Variants in KCNMB2 observed in about 807,000 individuals in gnomAD.
The protein encoded by KCNMB2 is potassium calcium-activated channel subfamily M regulatory beta subunit 2, also known as calcium-activated potassium channel subunit beta-2.
Under a neutral mutation model 24.5 loss-of-function variants are expected in KCNMB2, and 9 were observed. That is an observed-to-expected ratio of 0.37 (90% confidence interval 0.22 to 0.64). The LOEUF is 0.64. KCNMB2 is among the 30% of genes least tolerant of loss of function. KCNMB2 has a pLI of 0.63. For synonymous variants in KCNMB2, 109 were observed against 104.4 expected, an observed-to-expected ratio of 1.04 and a Z score of -0.27; for missense variants, 226 against 284.3, an observed-to-expected ratio of 0.79 and a Z score of 1.47.
At chr3:178,791,519 T>C (rs992152966) in intron 1 of KCNMB2, among the ~76,000 whole-genome samples, 3 of 152,176 alleles carry the variant, frequency 2.0e-5, no homozygotes, top group South Asian at 2.1e-4. Context: ...CTAAGAGTTA[T>C]TGGCCTTAAG....
chr3:178,775,971 C>T (rs1577178086), intron 1 of KCNMB2, among the ~76,000 whole-genome samples: 1 of 152,096 alleles, frequency 6.6e-6, no homozygotes, highest in Non-Finnish European at 1.5e-5. Context: ...CTTAAGCACC[C>T]CTTCCCTTCT....
intron 1 of KCNMB2, among the ~76,000 whole-genome samples, chr3:178,636,565 A>C (rs1560142130): frequency 6.6e-6 from 1 of 152,192 alleles, no homozygotes; most frequent in Non-Finnish European, 1.5e-5. Flanking sequence ...TTAATATATA[A>C]TCAGAAAGAA....
chr3:178,784,821 AG>A (rs1713031110), intron 1 of KCNMB2, among the ~76,000 whole-genome samples: 1 of 150,466 alleles, frequency 6.6e-6, no homozygotes, highest in African/African-American at 2.4e-5. Flanking sequence ...GCATTGTAAA[AG>A]TCTTTTGTTG....
chr3:178,570,656 C>A (rs1367069430), intron 1 of KCNMB2, among the ~76,000 whole-genome samples: 3 of 150,892 alleles, frequency 2.0e-5, no homozygotes, highest in African/African-American at 7.3e-5. Flanking sequence ...AAACCCTGAA[C>A]ACTTGATTCT....
chr3:178,541,952 G>A (rs921358018), intron 1 of KCNMB2, among the ~76,000 whole-genome samples: 2 of 152,036 alleles, frequency 1.3e-5, no homozygotes, highest in Admixed American at 1.3e-4. Flanking sequence ...TCCGACTCCA[G>A]CCAAAGCACC....
At chr3:178,541,086 C>T (rs778415164) in intron 1 of KCNMB2, among the ~76,000 whole-genome samples, 19 of 152,276 alleles carry the variant, frequency 1.2e-4, no homozygotes, top group Non-Finnish European at 2.2e-4. Flanking sequence ...AGCTCTGTGT[C>T]ATAACACTCT....
chr3:178,629,340 T>C (rs939830679), intron 1 of KCNMB2, among the ~76,000 whole-genome samples: 1 of 152,148 alleles, frequency 6.6e-6, no homozygotes, highest in Admixed American at 6.5e-5. Flanking sequence ...TGCAATCCTG[T>C]AGGAAAAATT....
intron 1 of KCNMB2, among the ~76,000 whole-genome samples, chr3:178,671,797 T>A (rs1305080930): frequency 6.6e-6 from 1 of 152,172 alleles, no homozygotes; most frequent in Non-Finnish European, 1.5e-5. Flanking sequence ...TAAATGAGTA[T>A]TTATCATATC....
intron 1 of KCNMB2, among the ~76,000 whole-genome samples, chr3:178,612,934 T>C (rs919121457): frequency 5.9e-5 from 9 of 152,294 alleles, no homozygotes; most frequent in Middle Eastern, 3.4e-3. Context: ...GAGGTTACCA[T>C]GAGGCTTGCA....
intron 1 of KCNMB2, among the ~76,000 whole-genome samples, chr3:178,643,222 G>T (rs1244804642): frequency 4.6e-5 from 7 of 152,186 alleles, no homozygotes; most frequent in Non-Finnish European, 8.8e-5. Context: ...TGGAGCTGGA[G>T]AATGGGTTTG....
intron 1 of KCNMB2, among the ~76,000 whole-genome samples, chr3:178,645,748 C>G (rs534000289): frequency 2.0e-4 from 30 of 152,246 alleles, no homozygotes; most frequent in Admixed American, 7.8e-4. Context: ...CCAGTGCTCA[C>G]AGCAGGCAGT....
At chr3:178,770,461 A>T (rs1469992560) in intron 1 of KCNMB2, among the ~76,000 whole-genome samples, 1 of 152,266 alleles carries the variant, frequency 6.6e-6, no homozygotes, top group African/African-American at 2.4e-5. Flanking sequence ...ATGAGGACCA[A>T]GTGCGGTATT....
intron 1 of KCNMB2, among the ~76,000 whole-genome samples, chr3:178,554,790 G>A (rs1488926633): frequency 6.6e-6 from 1 of 152,182 alleles, no homozygotes; most frequent in Non-Finnish European, 1.5e-5. Context: ...CTCTCAAGTT[G>A]CTTGCAAATT....
At chr3:178,817,455 G>C (rs1360901281) in intron 2 of KCNMB2, among the ~76,000 whole-genome samples, 1 of 152,088 alleles carries the variant, frequency 6.6e-6, no homozygotes, top group African/African-American at 2.4e-5. Context: ...GTGGTGGACA[G>C]AAGGCAGAAG....
chr3:178,795,308 C>T (rs962516187), intron 1 of KCNMB2: 1 of 152,028 alleles, frequency 6.6e-6, no homozygotes, highest in African/African-American at 2.4e-5. Context: ...TTGTAATTAT[C>T]ACTTTTAAAC....
At chr3:178,608,857 C>A (rs902516826) in intron 1 of KCNMB2, among the ~76,000 whole-genome samples, 1 of 152,122 alleles carries the variant, frequency 6.6e-6, no homozygotes, top group African/African-American at 2.4e-5. Flanking sequence ...CCATTGTGTA[C>A]GTATACCACA....
chr3:178,590,682 A>ACC (rs1717634397), intron 1 of KCNMB2, among the ~76,000 whole-genome samples: 3 of 152,208 alleles, frequency 2.0e-5, no homozygotes, highest in African/African-American at 7.2e-5. Context: ...AAATTAATGC[A>ACC]CAGAACAGTT....
chr3:178,822,715 C>T (rs73882872), intron 2 of KCNMB2, among the ~76,000 whole-genome samples: 3,903 of 152,242 alleles, frequency 0.026, 152 homozygotes, highest in African/African-American at 0.089. Flanking sequence ...TTCACTTTTC[C>T]CCTCTCTATA....
chr3:178,730,027 T>C (rs1403040283), intron 1 of KCNMB2, among the ~76,000 whole-genome samples: 4 of 152,190 alleles, frequency 2.6e-5, no homozygotes, highest in African/African-American at 9.7e-5. Flanking sequence ...AAAAAAGACC[T>C]CTAGAGAATC....
Sources: gnomAD v4.1 joint callset for allele counts (sites outside exome capture counted in the v4.1 genomes callset) on GRCh38, gnomAD v4.1.1 for gene constraint, MANE v1.5 for transcripts, NCBI Gene and HGNC (gene_info 2026-07-23, HGNC 2026-07-21) for gene names.